The following ELOC variants were observed in gnomAD, a reference collection of about 807,000 sequenced individuals.
ELOC encodes the protein elongin-C.
For synonymous variants in ELOC, 40 were observed against 51.3 expected (o/e 0.78, Z 0.94); for missense variants, 38 against 139.0 (o/e 0.27, Z 3.65).
At chr8:73,956,182 G>A in intron 2 of ELOC, 128 bp from the exon 3 acceptor site, 1 of 814,790 alleles carries the variant, frequency 1.2e-6, no homozygotes, top group South Asian at 1.9e-5. Flanking sequence ...CCTGAGGTCA[G>A]GAGTTCAAGA....
At chr8:73,962,607 T>G (rs1026984743) in intron 1 of ELOC, among the ~76,000 whole-genome samples, 13 of 151,640 alleles carry the variant, frequency 8.6e-5, no homozygotes, top group Non-Finnish European at 1.9e-4. Context: ...GCGAGAAAGC[T>G]TGAAGTACAA....
chr8:73,970,648 T>C (rs1301664870), intron 1 of ELOC: 3 of 152,126 alleles, frequency 2.0e-5, no homozygotes, highest in African/African-American at 7.2e-5. Context: ...CGTTTCAACA[T>C]GATTATAATG....
chr8:73,970,526 G>T (rs1468850942), intron 1 of ELOC: 1 of 151,880 alleles, frequency 6.6e-6, no homozygotes, highest in African/African-American at 2.4e-5. Context: ...TATTAAACAG[G>T]GACCCCAAAT....
intron 2 of ELOC, among the ~76,000 whole-genome samples, chr8:73,956,286 G>A (rs1415358158): frequency 6.6e-6 from 1 of 152,178 alleles, no homozygotes; most frequent in Non-Finnish European, 1.5e-5. Context: ...TCGGGAGGCT[G>A]AGGCAGGAGA....
chr8:73,958,281 G>A (rs1479007124), intron 2 of ELOC, among the ~76,000 whole-genome samples: 2 of 151,836 alleles, frequency 1.3e-5, no homozygotes, highest in African/African-American at 4.8e-5. Flanking sequence ...TTTAAAAAAT[G>A]GCTTCTGTTC....
At chr8:73,972,039 T>A (rs1815453339) in intron 1 of ELOC, 38 bp downstream of exon 1, 2 of 152,366 alleles carry the variant, frequency 1.3e-5, no homozygotes. Flanking sequence ...CCTCCACCCT[T>A]ACCCGGAGCT....
chr8:73,970,312 CA>C (rs886507275), intron 1 of ELOC, among the ~76,000 whole-genome samples: 2 of 151,930 alleles, frequency 1.3e-5, no homozygotes, highest in South Asian at 2.1e-4. Context: ...AAAAATCTAC[CA>C]AAAAAACCAA....
upstream of ELOC, chr8:73,972,206 G>C (rs1815468368): frequency 1.3e-5 from 2 of 152,436 alleles, no homozygotes; most frequent in African/African-American, 4.8e-5. Context: ...ACTTCCGCTG[G>C]GTCAGAGCCG....
At position 73,945,471 on chromosome 8, in the gene ELOC, T is replaced by G. The variant is rs191297336; in HGVS notation, c.*1159A>C. The G allele has an allele frequency of 6.6e-6, 1 of 152,316 alleles. No individual in the cohort carries two copies. The allele number at this position is 152,316 out of a possible 1,614,324, so 9.4% of individuals were successfully genotyped here. On this transcript the variant is annotated 3_prime_UTR_variant, in exon 4 of 4. Coordinates refer to ENST00000520242, the MANE Select transcript of ELOC (RefSeq NM_005648.4). ...AGACTTAAGTTTATAGACCCTATAA[T>G]GACAACTTTGTTCCACCTCTGAGAT...
intron 3 of ELOC, among the ~76,000 whole-genome samples, chr8:73,954,847 T>C (rs181644215): frequency 1.8e-3 from 271 of 147,304 alleles, no homozygotes; most frequent in African/African-American, 6.5e-3. Flanking sequence ...GTCCGACCAA[T>C]ATGGTGAAAA....
Position 73,945,888 on chromosome 8 carries a change from A to G in ELOC, c.*742T>C, listed in dbSNP as rs1259693303. ...AAGGGACTATGAAGGAAGAATAAAT[A>G]TTGCAAACGACGCTTTATAGTCAAT... On this transcript the variant is annotated 3_prime_UTR_variant, in exon 4 of 4. Coordinates refer to ENST00000520242, the MANE Select transcript of ELOC (RefSeq NM_005648.4). 6.6e-6 allele frequency: 1 copy of G among 151,640 alleles called. No individual in the cohort carries two copies. Among genetic ancestry groups the G allele is most frequent in the African/African-American group, 2.4e-5 (1 of 40,956 alleles). 9.4% of individuals were successfully genotyped at this position (151,640 alleles called of 1,614,324 possible).
At chr8:73,970,047 T>C (rs1475630255) in intron 1 of ELOC, among the ~76,000 whole-genome samples, 4 of 152,322 alleles carry the variant, frequency 2.6e-5, no homozygotes, top group African/African-American at 7.2e-5. Context: ...TCCAGCACTT[T>C]GGGAGGCCAA....
At chr8:73,967,312 C>T (rs1329215133) in intron 1 of ELOC, among the ~76,000 whole-genome samples, 1 of 152,006 alleles carries the variant, frequency 6.6e-6, no homozygotes, top group Admixed American at 6.5e-5. Context: ...GTATTTTTTG[C>T]TTAGCAGGCT....
chr8:73,958,597 T>C (rs1004646375), intron 2 of ELOC, among the ~76,000 whole-genome samples: 1 of 152,206 alleles, frequency 6.6e-6, no homozygotes, highest in Non-Finnish European at 1.5e-5. Flanking sequence ...TATTCAAGCA[T>C]ATAGATTTTT....
intron 3 of ELOC, among the ~76,000 whole-genome samples, chr8:73,950,358 A>ATGT (rs1247070615): frequency 2.6e-5 from 4 of 152,162 alleles, no homozygotes; most frequent in Non-Finnish European, 4.4e-5. Context: ...AACAAAAACA[A>ATGT]AACACTCTTT....
At chr8:73,958,772 T>C (rs1814384016) in intron 2 of ELOC, among the ~76,000 whole-genome samples, 1 of 152,230 alleles carries the variant, frequency 6.6e-6, no homozygotes, top group Non-Finnish European at 1.5e-5. Context: ...GTTAGCACGA[T>C]ATTATTACTG....
intron 3 of ELOC, 122 bp from the exon 4 acceptor site, chr8:73,946,942 G>C (rs976991118): frequency 1.3e-6 from 1 of 763,188 alleles, no homozygotes; most frequent in Non-Finnish European, 2.0e-6. Flanking sequence ...TCTTTAAAGA[G>C]GTAATTAAAA....
intron 3 of ELOC, among the ~76,000 whole-genome samples, chr8:73,951,673 C>CCAA (rs1267380175): frequency 1.3e-5 from 2 of 151,624 alleles, no homozygotes; most frequent in Non-Finnish European, 2.9e-5. Flanking sequence ...ACAACAACAA[C>CCAA]AACAACAAAA....
intron 2 of ELOC, among the ~76,000 whole-genome samples, chr8:73,956,742 A>G (rs1042041062): frequency 6.6e-6 from 1 of 152,252 alleles, no homozygotes; most frequent in African/African-American, 2.4e-5. Flanking sequence ...CAGATTTATA[A>G]ATCAGTGTTT....
Sources: allele counts gnomAD v4.1 joint callset (sites outside exome capture counted in the v4.1 genomes callset), GRCh38; gene constraint gnomAD v4.1.1; transcripts MANE v1.5; gene names NCBI Gene and HGNC (gene_info 2026-07-23, HGNC 2026-07-21).